CDKAL1: variants seen among roughly 807,000 people sequenced by gnomAD.
CDKAL1 encodes threonylcarbamoyladenosine tRNA methylthiotransferase.
CDKAL1 carries 32 observed loss-of-function variants against 68.2 expected under a neutral mutation model. That is an observed-to-expected ratio of 0.47 (90% CI 0.35 to 0.63). The LOEUF (loss-of-function observed/expected upper bound fraction) is 0.63, where lower values mean the gene tolerates loss of function less well. Among genes scored for constraint, CDKAL1 ranks in the 30% least tolerant of loss-of-function variants. CDKAL1 has a pLI of 0.00. For missense variants in CDKAL1, 606 were observed against 696.7 expected, an observed-to-expected ratio of 0.87 and a Z score of 1.47; for synonymous variants, 234 against 244.3, an observed-to-expected ratio of 0.96 and a Z score of 0.39.
At chr6:20,790,520 C>T (rs1464692439) in intron 8 of CDKAL1, among the ~76,000 whole-genome samples, 1 of 152,086 alleles carries the variant, frequency 6.6e-6, no homozygotes, top group Admixed American at 6.5e-5. Flanking sequence ...CTGGATTTTT[C>T]GTGGCCACTT....
chr6:20,739,648 C>T (rs1436468349), intron 6 of CDKAL1, 33 bp downstream of exon 6: 2 of 1,281,520 alleles, frequency 1.6e-6, no homozygotes, highest in Non-Finnish European at 2.2e-6. Flanking sequence ...AAGAGAAAAT[C>T]TTACATTGTT....
intron 11 of CDKAL1, among the ~76,000 whole-genome samples, chr6:21,029,078 A>G (rs1769118866): frequency 6.6e-6 from 1 of 151,732 alleles, no homozygotes; most frequent in South Asian, 2.1e-4. Flanking sequence ...GCAGAGTCTC[A>G]CTCTGTTTCC....
intron 9 of CDKAL1, among the ~76,000 whole-genome samples, chr6:20,904,083 G>T (rs950907109): frequency 6.6e-6 from 1 of 152,158 alleles, no homozygotes; most frequent in African/African-American, 2.4e-5. Context: ...ACAATGTAGG[G>T]TGCACAATAA....
At position 20,979,253 on chromosome 6, in the gene CDKAL1, T is replaced by A. The variant is rs564390430; in HGVS notation, c.910-20974T>A. ...CACATTGACTCTTGGTAAAATTAGC[T>A]GTTATTCAACTCAATTCAACAAAAA... On this transcript the variant is annotated intron_variant, in intron 10 of 15. Transcript: ENST00000274695. Among the ~76,000 whole-genome samples, 78 of 152,358 alleles carry A rather than the reference T, an allele frequency of 5.1e-4. 2 individuals are homozygous for A. The South Asian group carries it at 0.016, about 31-fold the overall frequency.
chr6:20,757,178 C>T (rs1395178168), intron 6 of CDKAL1, among the ~76,000 whole-genome samples: 1 of 151,972 alleles, frequency 6.6e-6, no homozygotes, highest in Non-Finnish European at 1.5e-5. Context: ...AGTGATCTGC[C>T]CCCTCCTAGG....
chr6:20,891,971 GT>G (rs1761429550), intron 9 of CDKAL1, among the ~76,000 whole-genome samples: 1 of 152,106 alleles, frequency 6.6e-6, no homozygotes, highest in Non-Finnish European at 1.5e-5. Flanking sequence ...CATCCTTAGA[GT>G]TGCTGTTTTT....
At chr6:20,671,857 G>T (rs931621062) in intron 5 of CDKAL1, among the ~76,000 whole-genome samples, 3 of 152,112 alleles carry the variant, frequency 2.0e-5, no homozygotes, top group African/African-American at 7.2e-5. Context: ...TCCTGCCTCT[G>T]CCTCCCTAGT....
At chr6:20,661,262 T>C (rs1037659111) in intron 5 of CDKAL1, among the ~76,000 whole-genome samples, 2 of 152,324 alleles carry the variant, frequency 1.3e-5, no homozygotes, top group Middle Eastern at 3.4e-3. Context: ...ATTCATCTTA[T>C]GTCACAGTTT....
chr6:20,903,417 T>G (rs1304291629), intron 9 of CDKAL1, among the ~76,000 whole-genome samples: 2 of 152,216 alleles, frequency 1.3e-5, no homozygotes, highest in East Asian at 3.8e-4. Flanking sequence ...TAATTGAATA[T>G]TAGTAATACA....
At chr6:20,971,037 C>T (rs6940649) in intron 10 of CDKAL1, among the ~76,000 whole-genome samples, 13,917 of 152,024 alleles carry the variant, frequency 0.092, 1,088 homozygotes, top group African/African-American at 0.22. Context: ...TTAGTAGAGA[C>T]GGGGTTTCAC....
At chr6:21,164,555 AAT>A (rs1491070053) in intron 13 of CDKAL1, among the ~76,000 whole-genome samples, 1 of 150,454 alleles carries the variant, frequency 6.6e-6, no homozygotes, top group Non-Finnish European at 1.5e-5. Flanking sequence ...CCTGGAACTA[AAT>A]TGGCTTGATG....
intron 4 of CDKAL1, among the ~76,000 whole-genome samples, chr6:20,638,612 A>T (rs1321340384): frequency 1.1e-5 from 1 of 88,434 alleles, no homozygotes; most frequent in East Asian, 3.2e-4. Context: ...CTTATTAGAG[A>T]TTCTTTTTTT....
At chr6:20,546,152 C>G (rs1345160409) in intron 2 of CDKAL1, among the ~76,000 whole-genome samples, 194 bp from the exon 3 acceptor site, 1 of 146,090 alleles carries the variant, frequency 6.8e-6, no homozygotes, top group Non-Finnish European at 1.5e-5. Flanking sequence ...CTGATTGTTT[C>G]ATTGTGTTTC....
intron 4 of CDKAL1, among the ~76,000 whole-genome samples, chr6:20,560,921 T>C (rs191293937): frequency 7.2e-4 from 109 of 152,326 alleles, no homozygotes; most frequent in African/African-American, 2.4e-3. Context: ...ATACATGATT[T>C]TTACCTAATC....
chr6:21,115,984 A>T (rs1175265287), intron 13 of CDKAL1, among the ~76,000 whole-genome samples: 1 of 152,196 alleles, frequency 6.6e-6, no homozygotes, highest in Non-Finnish European at 1.5e-5. Context: ...TTGCATCCTC[A>T]TCAATGCCAA....
intron 12 of CDKAL1, among the ~76,000 whole-genome samples, chr6:21,068,444 G>A (rs1771577643): frequency 6.6e-6 from 1 of 151,836 alleles, no homozygotes; most frequent in Admixed American, 6.6e-5. Flanking sequence ...GGGTTTTTTT[G>A]CCTCGGAAGC....
chr6:20,990,970 C>G (rs1004559320), intron 10 of CDKAL1, among the ~76,000 whole-genome samples: 4 of 152,018 alleles, frequency 2.6e-5, no homozygotes, highest in Non-Finnish European at 4.4e-5. Context: ...AGGAATTGAG[C>G]AAGGGAATAG....
intron 5 of CDKAL1, among the ~76,000 whole-genome samples, chr6:20,690,153 T>C (rs1312414349): frequency 6.6e-6 from 1 of 152,238 alleles, no homozygotes; most frequent in Non-Finnish European, 1.5e-5. Flanking sequence ...GTACATATTT[T>C]TGTATCCTAC....
chr6:20,566,649 T>G (rs1764473638), intron 4 of CDKAL1, among the ~76,000 whole-genome samples: 1 of 152,186 alleles, frequency 6.6e-6, no homozygotes, highest in Non-Finnish European at 1.5e-5. Context: ...TGATTTTTGT[T>G]TAATATCAGT....
Sources: allele counts gnomAD v4.1 joint callset (sites outside exome capture counted in the v4.1 genomes callset), GRCh38; gene constraint gnomAD v4.1.1; transcripts MANE v1.5; gene names NCBI Gene and HGNC (gene_info 2026-07-23, HGNC 2026-07-21).